CHRNA3: variants seen among roughly 807,000 people sequenced by gnomAD.
CHRNA3 encodes neuronal acetylcholine receptor subunit alpha-3.
In CHRNA3, 34 loss-of-function variants were observed where a neutral mutation model predicts 41.9. The ratio of observed to expected loss-of-function variants is 0.81; its 90% CI spans 0.62 to 1.08. The LOEUF (loss-of-function observed/expected upper bound fraction) is 1.08, where lower values mean the gene tolerates loss of function less well. Ranked by LOEUF, CHRNA3 falls within the 50% of genes least tolerant of loss-of-function variation. CHRNA3 has a pLI of 0.00. For synonymous variants in CHRNA3, 281 were observed against 265.2 expected (o/e 1.06, Z -0.58); for missense variants, 542 against 638.3 (o/e 0.85, Z 1.63).
In CHRNA3 at chr15:78,596,689, A is replaced by G. The variant is rs762582876; in HGVS notation, c.1433T>C (p.Ile478Thr). The G allele has an allele frequency of 1.2e-6, 2 of 1,613,200 alleles. No individual in the cohort carries two copies. The highest frequency in any genetic ancestry group is 1.7e-5 in the Admixed American group (1 of 59,630). ...CACCAGGGTGAAAACCCACAGAAAA[A>G]TACGATCAATCACCATGGCAACATA... ...WKYVAMVIDR[I>T]FLWVFTLVCI... Residue 478 changes from isoleucine to threonine, a missense_variant, in exon 6 of 6, where the codon ATT (isoleucine) becomes ACT (threonine). Physicochemically the swap from Ile to Thr is moderately conservative, Grantham distance 89. Coordinates refer to ENST00000326828, the MANE Select transcript of CHRNA3 (RefSeq NM_000743.5).
downstream of CHRNA3, chr15:78,595,196 C>G (rs1044851262): frequency 1.4e-6 from 1 of 728,626 alleles, no homozygotes; most frequent in Non-Finnish European, 1.7e-6. Context: ...TACCTTAGTT[C>G]GTATACATCC....
rs139427736 is a variant in CHRNA3, at chr15:78,601,835, G to A, written c.807C>T (p.Cys269=). The change falls in exon 5 of 6, where the codon TGC becomes TGT. Residue 269 remains cysteine, a synonymous_variant. Coordinates refer to ENST00000326828, the MANE Select transcript of CHRNA3 (RefSeq NM_000743.5). ...AAATGCACAGGGTCACCTTCTCACC[G>A]CAGTCGGAGGGCAGGTAGAAGACGA... ...TVLVFYLPSD[C]GEKVTLCISV... is the part of the protein sequence containing the mutation. 1.6e-5 allele frequency: 26 copies of A among 1,614,084 alleles called. No individual in the cohort carries two copies. The East Asian group carries it at 1.8e-4, about 11-fold the overall frequency.
At chr15:78,610,814 T>C (rs908366450) in intron 4 of CHRNA3, among the ~76,000 whole-genome samples, 6 of 151,946 alleles carry the variant, frequency 3.9e-5, no homozygotes, top group Non-Finnish European at 7.4e-5. Flanking sequence ...ATCAACAAAA[T>C]TGATAGACTG....
At chr15:78,609,819 G>A (rs565811698) in intron 4 of CHRNA3, among the ~76,000 whole-genome samples, 1 of 152,196 alleles carries the variant, frequency 6.6e-6, no homozygotes, top group Non-Finnish European at 1.5e-5. Flanking sequence ...TCAGTGTGCT[G>A]TATTCAGGAA....
At chr15:78,593,407 T>G, downstream of CHRNA3, 1 of 661,932 alleles carries the variant, frequency 1.5e-6, no homozygotes, top group East Asian at 3.0e-5. Flanking sequence ...ATGATCCATT[T>G]GAACAGTTGG....
chr15:78,620,911 G>T lies in CHRNA3; in HGVS notation c.-117C>A. 1 of 1,212,942 alleles carries T rather than the reference G, an allele frequency of 8.2e-7. No homozygotes were observed. Among genetic ancestry groups the T allele is most frequent in the Non-Finnish European group, 1.0e-6 (1 of 968,542 alleles). The allele number at this position is 1,212,942 out of a possible 1,614,324, so 75.1% of individuals were successfully genotyped here. ...ACCCCAGACCTGGAGCCGTGCGGGC[G>T]GAGACGCGCGGGGCTCCTCTCCGCT... On this transcript the variant is annotated 5_prime_UTR_variant, in exon 1 of 6. Transcript: ENST00000326828.
Position 78,605,703 on chromosome 15 carries a change from G to A in CHRNA3, c.378-3439C>T, listed in dbSNP as rs541500810. On this transcript the variant is annotated intron_variant, in intron 4 of 5. Coordinates refer to ENST00000326828, the MANE Select transcript of CHRNA3 (RefSeq NM_000743.5). ...GCCTCCCAAAACCTCCCTTTCAGAA[G>A]GACAGAGACCCACTCAGAGAAAAAG... Among the ~76,000 whole-genome samples the A allele has an allele frequency of 3.9e-5, 6 of 152,258 alleles. No homozygotes were observed. In the East Asian group the frequency reaches 7.7e-4, roughly 20 times the overall value.
In CHRNA3 at chr15:78,596,464, G is replaced by T; in HGVS notation, c.*140C>A. 7.6e-7 allele frequency: 1 copy of T among 1,309,204 alleles called. No homozygotes were observed. The highest frequency in any genetic ancestry group is 9.7e-7 in the Non-Finnish European group (1 of 1,030,230). 81.1% of individuals were successfully genotyped at this position (1,309,204 alleles called of 1,614,324 possible). Reference sequence around the variant, plus strand: ...CATTTTTTTTTTTGCATGATTCCAAGATAAGTGGAAAATAAGTAAACCTCG... The same window carrying T: ...CATTTTTTTTTTTGCATGATTCCAATATAAGTGGAAAATAAGTAAACCTCG... On this transcript the variant is annotated 3_prime_UTR_variant, in exon 6 of 6. Transcript: ENST00000326828.
At chr15:78,620,593 C>CCGGCGA (rs2053534330) in intron 1 of CHRNA3, 120 bp downstream of exon 1, 12 of 1,367,824 alleles carry the variant, frequency 8.8e-6, no homozygotes, top group Non-Finnish European at 1.1e-5. Flanking sequence ...TTCCGAGTCC[C>CCGGCGA]CGGCGACGGC....
chr15:78,618,728 C>T (rs941660486), intron 2 of CHRNA3, 48 bp downstream of exon 2: 2 of 1,614,052 alleles, frequency 1.2e-6, no homozygotes, highest in African/African-American at 2.7e-5. Flanking sequence ...AAGGCTCCTC[C>T]AGAAGCCCCG....
chr15:78,620,368 T>TGCGCGGGGCAGGGCTACGGGCA, intron 1 of CHRNA3: 1 of 261,106 alleles, frequency 3.8e-6, no homozygotes, highest in Non-Finnish European at 7.3e-6. Context: ...TGGGAGCCAG[T>TGCGCGGGGCAGGGCTACGGGCA]GCGCGGGGCA....
chr15:78,601,112 G>A (rs1449547039), intron 5 of CHRNA3, 141 bp downstream of exon 5: 3 of 728,460 alleles, frequency 4.1e-6, no homozygotes, highest in Non-Finnish European at 6.9e-6. Context: ...CATACCCAAG[G>A]ACATATAACT....
downstream of CHRNA3, chr15:78,593,997 C>T (rs1255111671): frequency 6.6e-6 from 1 of 152,226 alleles, no homozygotes; most frequent in Non-Finnish European, 1.5e-5. Context: ...TGAGATCACG[C>T]CATTGCACTC....
Position 78,617,012 on chromosome 15 carries a change from C to A in CHRNA3, c.377+12G>T. 6.2e-7 allele frequency: 1 copy of A among 1,600,698 alleles called. No individual in the cohort carries two copies. The highest frequency in any genetic ancestry group is 8.5e-7 in the Non-Finnish European group (1 of 1,169,914). On this transcript the variant is annotated intron_variant, in intron 4 of 5. Transcript: ENST00000326828. ...ACAGCCCTGAGAGGGCGTGGGCCCC[C>A]CAGCACCTTACTTGTTATACAGCAC...
downstream of CHRNA3, chr15:78,594,759 CTG>C (rs1240011983): frequency 2.6e-5 from 4 of 152,222 alleles, no homozygotes; most frequent in African/African-American, 9.7e-5. Context: ...TATATGCACA[CTG>C]TTATATACCT....
intron 5 of CHRNA3, among the ~76,000 whole-genome samples, chr15:78,597,460 A>G (rs760335662): frequency 9.9e-5 from 15 of 152,038 alleles, no homozygotes; most frequent in Non-Finnish European, 1.8e-4. Flanking sequence ...TCCTTTTAAC[A>G]TCTGTTCCAA....
Position 78,617,011 on chromosome 15 carries a change from C to T in CHRNA3, c.377+13G>A, listed in dbSNP as rs765077640. ...GACAGCCCTGAGAGGGCGTGGGCCC[C>T]CCAGCACCTTACTTGTTATACAGCA... On this transcript the variant is annotated intron_variant, in intron 4 of 5. Coordinates refer to ENST00000326828, the MANE Select transcript of CHRNA3 (RefSeq NM_000743.5). The T allele has an allele frequency of 6.3e-7, 1 of 1,598,988 alleles. No homozygotes were observed. The highest frequency in any genetic ancestry group is 8.6e-7 in the Non-Finnish European group (1 of 1,168,492).
In CHRNA3 at chr15:78,610,043, G is replaced by T. The variant is rs370563321; in HGVS notation, c.377+6981C>A. Among the ~76,000 whole-genome samples, 8 of 152,002 alleles carry T rather than the reference G, an allele frequency of 5.3e-5. No homozygotes were observed. In the South Asian group the frequency reaches 8.3e-4, roughly 16 times the overall value. ...AAGAGCTAACTATCCTAAATATATA[G>T]GCACCCAATACAGGAGCACCCAGAT... On this transcript the variant is annotated intron_variant, in intron 4 of 5. Coordinates refer to ENST00000326828, the MANE Select transcript of CHRNA3 (RefSeq NM_000743.5).
At chr15:78,608,252 G>A (rs1337395272) in intron 4 of CHRNA3, among the ~76,000 whole-genome samples, 2 of 152,210 alleles carry the variant, frequency 1.3e-5, no homozygotes, top group South Asian at 2.1e-4. Flanking sequence ...TCTGAGAACG[G>A]GCAGACTGCC....
Sources: gnomAD v4.1 joint callset for allele counts (sites outside exome capture counted in the v4.1 genomes callset) on GRCh38, gnomAD v4.1.1 for gene constraint, MANE v1.5 for transcripts, NCBI Gene and HGNC (gene_info 2026-07-23, HGNC 2026-07-21) for gene names.